SYT1: variants seen among roughly 807,000 people sequenced by gnomAD.
SYT1 encodes the protein synaptotagmin-1.
Under a neutral mutation model 44.8 loss-of-function variants are expected in SYT1, and 8 were observed. That is an observed-to-expected ratio of 0.18 (90% CI 0.10 to 0.32). The LOEUF (loss-of-function observed/expected upper bound fraction) is 0.32, where lower values mean the gene tolerates loss of function less well. Ranked by LOEUF, SYT1 falls within the 10% of genes least tolerant of loss-of-function variation. SYT1 has a pLI of 1.00. For synonymous variants in SYT1, 154 were observed against 188.8 expected (o/e 0.82, Z 1.51); for missense variants, 286 against 509.3 (o/e 0.56, Z 4.22).
At chr12:78,960,587 G>T (rs539121184) in intron 1 of SYT1, 51 of 152,280 alleles carry the variant, frequency 3.3e-4, no homozygotes, top group African/African-American at 1.2e-3. Flanking sequence ...CCAGGCTCTT[G>T]AAGAGGACCA....
At chr12:79,343,699 G>T (rs886214433) in intron 8 of SYT1, among the ~76,000 whole-genome samples, 4 of 152,054 alleles carry the variant, frequency 2.6e-5, no homozygotes, top group Non-Finnish European at 4.4e-5. Flanking sequence ...CAATATTTCT[G>T]TCTTTCTATA....
At chr12:79,287,648 A>C (rs1369211995) in intron 5 of SYT1, among the ~76,000 whole-genome samples, 1 of 152,178 alleles carries the variant, frequency 6.6e-6, no homozygotes, top group Non-Finnish European at 1.5e-5. Flanking sequence ...GAATAATGTT[A>C]AGTGATAACG....
Position 79,390,329 on chromosome 12 carries a change from A to G in SYT1, c.928+36710A>G, listed in dbSNP as rs373490140. Among the ~76,000 whole-genome samples the G allele has an allele frequency of 1.2e-4, 19 of 152,336 alleles. No individual in the cohort carries two copies. The East Asian group carries it at 2.9e-3, about 23-fold the overall frequency. On this transcript the variant is annotated intron_variant, in intron 9 of 10. Transcript: ENST00000261205. ...ATTTATAAGGTAAATTCCTAGAAGT[A>G]ACATTTCTGGGTCAAACGACGTTAG...
intron 9 of SYT1, among the ~76,000 whole-genome samples, chr12:79,402,037 T>A (rs1885088334): frequency 6.6e-6 from 1 of 152,146 alleles, no homozygotes; most frequent in Non-Finnish European, 1.5e-5. Context: ...CCCTGGGACT[T>A]ACTGATTGTG....
chr12:79,341,822 C>T (rs1379613922), intron 8 of SYT1, among the ~76,000 whole-genome samples: 1 of 151,912 alleles, frequency 6.6e-6, no homozygotes, highest in African/African-American at 2.4e-5. Flanking sequence ...GCACCCGCCA[C>T]CATGCCCAGC....
chr12:78,903,054 A>G (rs1325033795), intron 1 of SYT1, among the ~76,000 whole-genome samples: 3 of 152,154 alleles, frequency 2.0e-5, no homozygotes, highest in Non-Finnish European at 2.9e-5. Flanking sequence ...TACAGAATCA[A>G]TTCTTAACTC....
chr12:79,326,432 A>G (rs771625985), intron 8 of SYT1, among the ~76,000 whole-genome samples: 9 of 152,270 alleles, frequency 5.9e-5, no homozygotes, highest in Non-Finnish European at 1.0e-4. Context: ...TGCGGTCATT[A>G]GAGCAGAGCA....
intron 3 of SYT1, among the ~76,000 whole-genome samples, chr12:79,090,785 A>G (rs1481434040): frequency 6.6e-6 from 1 of 152,014 alleles, no homozygotes; most frequent in Non-Finnish European, 1.5e-5. Flanking sequence ...GTGACAGGTT[A>G]TGGAAGGGTA....
At chr12:79,105,006 G>A (rs1034526929) in intron 3 of SYT1, among the ~76,000 whole-genome samples, 1 of 152,140 alleles carries the variant, frequency 6.6e-6, no homozygotes, top group Non-Finnish European at 1.5e-5. Flanking sequence ...AATGAGGTCA[G>A]ATTAGAGAGG....
chr12:79,047,077 A>C (rs1318915791), intron 2 of SYT1, among the ~76,000 whole-genome samples: 1 of 151,880 alleles, frequency 6.6e-6, no homozygotes, highest in African/African-American at 2.4e-5. Context: ...TATATAAACT[A>C]TCCACAGACT....
At chr12:79,102,754 T>A (rs553087912) in intron 3 of SYT1, among the ~76,000 whole-genome samples, 1 of 152,214 alleles carries the variant, frequency 6.6e-6, no homozygotes, top group Non-Finnish European at 1.5e-5. Context: ...GTGGTATAGA[T>A]AAAATGAGAT....
intron 1 of SYT1, among the ~76,000 whole-genome samples, chr12:78,886,585 A>G (rs750982995): frequency 6.6e-5 from 10 of 152,016 alleles, no homozygotes; most frequent in Non-Finnish European, 1.2e-4. Flanking sequence ...GTGATGATCT[A>G]TATTTTAATC....
At chr12:79,179,249 G>GATAT (rs1471612050) in intron 3 of SYT1, among the ~76,000 whole-genome samples, 2 of 71,870 alleles carry the variant, frequency 2.8e-5, no homozygotes, top group African/African-American at 1.4e-4. Flanking sequence ...TATAGATATA[G>GATAT]ATATAGATAT....
At chr12:78,982,497 C>A (rs994878960) in intron 2 of SYT1, among the ~76,000 whole-genome samples, 11 of 152,132 alleles carry the variant, frequency 7.2e-5, no homozygotes, top group Admixed American at 6.6e-4. Context: ...CCCCTCCTTT[C>A]CGTTCCATTT....
intron 2 of SYT1, among the ~76,000 whole-genome samples, chr12:78,991,325 C>A (rs1441807888): frequency 6.6e-6 from 1 of 152,046 alleles, no homozygotes; most frequent in Non-Finnish European, 1.5e-5. Context: ...TATAGAAACT[C>A]TTCCTTATTT....
chr12:79,111,811 C>T (rs1037822244), intron 3 of SYT1, among the ~76,000 whole-genome samples: 2 of 151,886 alleles, frequency 1.3e-5, no homozygotes, highest in Admixed American at 6.6e-5. Flanking sequence ...ACAGCTCAGA[C>T]AAGAAATTGG....
At chr12:78,896,375 TA>T (rs1875357472) in intron 1 of SYT1, among the ~76,000 whole-genome samples, 1 of 151,788 alleles carries the variant, frequency 6.6e-6, no homozygotes, top group African/African-American at 2.4e-5. Context: ...GAAGATGCCT[TA>T]GGATAAATTA....
At chr12:78,897,180 C>T (rs1376731515) in intron 1 of SYT1, among the ~76,000 whole-genome samples, 1 of 151,768 alleles carries the variant, frequency 6.6e-6, no homozygotes, top group Non-Finnish European at 1.5e-5. Context: ...TAAAACATGT[C>T]ATAAGTAGCT....
intron 2 of SYT1, among the ~76,000 whole-genome samples, chr12:78,997,737 G>T (rs1870475066): frequency 6.6e-6 from 1 of 151,874 alleles, no homozygotes; most frequent in Admixed American, 6.6e-5. Context: ...GGTAGGAAAG[G>T]CCGTGAGGAA....
Sources: gnomAD v4.1 joint callset for allele counts (sites outside exome capture counted in the v4.1 genomes callset) on GRCh38, gnomAD v4.1.1 for gene constraint, MANE v1.5 for transcripts, NCBI Gene and HGNC (gene_info 2026-07-23, HGNC 2026-07-21) for gene names.